GRIN2D: variants seen among roughly 807,000 people sequenced by gnomAD.
GRIN2D encodes glutamate ionotropic receptor NMDA type subunit 2D.
In GRIN2D, 37 loss-of-function variants were observed where a neutral mutation model predicts 103.2. That is an observed-to-expected ratio of 0.36 (90% CI 0.28 to 0.47). GRIN2D has a LOEUF of 0.47. GRIN2D is among the 20% of genes least tolerant of loss of function. GRIN2D has a pLI of 1.00. For missense variants in GRIN2D, 1,557 were observed against 1,910.6 expected (o/e 0.81, Z 3.45); for synonymous variants, 845 against 885.6 (o/e 0.95, Z 0.81).
intron 7 of GRIN2D, 60 bp downstream of exon 7, chr19:48,415,092 C>T: frequency 1.4e-6 from 2 of 1,449,316 alleles, no homozygotes; most frequent in Admixed American, 2.0e-5. Context: ...CGGGCACAGC[C>T]GGGCGTGGTG....
chr19:48,419,442 G>T (rs1481728187), intron 9 of GRIN2D, 83 bp downstream of exon 9: 7 of 1,508,974 alleles, frequency 4.6e-6, no homozygotes, highest in Middle Eastern at 1.8e-4. Flanking sequence ...AGCCCCTGGA[G>T]GGGGGGCGGT....
At chr19:48,439,177 C>T (rs1971264089) in intron 11 of GRIN2D, among the ~76,000 whole-genome samples, 1 of 150,002 alleles carries the variant, frequency 6.7e-6, no homozygotes, top group Non-Finnish European at 1.5e-5. Flanking sequence ...TTGCTTCAGC[C>T]CAGGAGTTTG....
intron 11 of GRIN2D, among the ~76,000 whole-genome samples, chr19:48,425,313 C>T (rs1971074525): frequency 6.6e-6 from 1 of 152,152 alleles, no homozygotes; most frequent in African/African-American, 2.4e-5. Flanking sequence ...GCAATCTCGG[C>T]TCACTGCAAC....
chr19:48,406,478 T>G, intron 4 of GRIN2D, among the ~76,000 whole-genome samples: 1 of 152,052 alleles, frequency 6.6e-6, no homozygotes, highest in East Asian at 1.9e-4. Context: ...GGGGTGAATT[T>G]GGGAAGAGAT....
At chr19:48,408,720 T>C (rs1482184502) in intron 4 of GRIN2D, among the ~76,000 whole-genome samples, 2 of 150,712 alleles carry the variant, frequency 1.3e-5, no homozygotes, top group Admixed American at 6.7e-5. Flanking sequence ...CTTGGGAGGC[T>C]GAGGCAGGAG....
At position 48,442,865 on chromosome 19, in the gene GRIN2D, C is replaced by T; in HGVS notation, c.2939C>T (p.Ala980Val). 1 of 1,083,972 alleles carries T rather than the reference C, an allele frequency of 9.2e-7. No individual in the cohort carries two copies. Among genetic ancestry groups the T allele is most frequent in the Non-Finnish European group, 1.1e-6 (1 of 895,864 alleles). The allele number at this position is 1,083,972 out of a possible 1,614,324, so 67.1% of individuals were successfully genotyped here. A position where few individuals can be genotyped will look rare whatever the true frequency, so the allele number is the denominator to read the frequency against. Residue 980 changes from alanine to valine, a missense_variant, in exon 14 of 14, where the codon GCG becomes GTG. Physicochemically the swap from Ala to Val is moderately conservative, Grantham distance 64. Transcript: ENST00000263269. The surrounding 1 kb of genome is among the most constrained non-coding windows in gnomAD (Gnocchi z 7.2). ...PQGLGLGLGEARAAPRGAAGR... is the reference protein window; with the variant it reads ...PQGLGLGLGEVRAAPRGAAGR... The stretch of plus-strand genomic sequence containing the variant: ...GGCCTAGGCCTCGGCCTGGGCGAAG[C>T]GCGCGCGGCACCGCGGGGCGCAGCC...
intron 4 of GRIN2D, among the ~76,000 whole-genome samples, chr19:48,412,420 GA>G (rs1300447554): frequency 3.8e-4 from 36 of 95,064 alleles, no homozygotes; most frequent in South Asian, 6.8e-4. Flanking sequence ...GAAAGAGAAA[GA>G]AAAGAAAGAA....
chr19:48,434,232 A>T (rs10414238), intron 11 of GRIN2D, among the ~76,000 whole-genome samples: 4 of 151,818 alleles, frequency 2.6e-5, no homozygotes, highest in Non-Finnish European at 4.4e-5. Flanking sequence ...TTACAGGCAC[A>T]AGCCACCGCG....
intron 4 of GRIN2D, among the ~76,000 whole-genome samples, chr19:48,413,040 G>A (rs745569579): frequency 3.0e-4 from 43 of 142,976 alleles, no homozygotes; most frequent in East Asian, 4.2e-4. Flanking sequence ...GGAGGCTGAG[G>A]CAGGAGAATT....
At chr19:48,430,761 A>G (rs1971146078) in intron 11 of GRIN2D, among the ~76,000 whole-genome samples, 1 of 151,584 alleles carries the variant, frequency 6.6e-6, no homozygotes, top group Admixed American at 6.6e-5. Context: ...TCAGAAGTAT[A>G]TTAATATACT....
intron 4 of GRIN2D, among the ~76,000 whole-genome samples, chr19:48,411,840 G>C (rs1179770587): frequency 6.6e-6 from 1 of 151,826 alleles, no homozygotes; most frequent in Non-Finnish European, 1.5e-5. Flanking sequence ...AGAGTTTGAA[G>C]TTTGAGGGTG....
rs1375423155 is a variant in GRIN2D at position 48,442,694 on chromosome 19, C to A, written c.2768C>A (p.Pro923Gln). 8.5e-7 allele frequency: 1 copy of A among 1,181,184 alleles called. No individual in the cohort carries two copies. Among genetic ancestry groups the A allele is most frequent in the Admixed American group, 4.7e-5 (1 of 21,302 alleles). The allele number at this position is 1,181,184 out of a possible 1,614,324, so 73.2% of individuals were successfully genotyped here. A position where few individuals can be genotyped will look rare whatever the true frequency, so the allele number is the denominator to read the frequency against. ...QPLPSPAYPA[P>Q]RPAPGPAPFV... The stretch of plus-strand genomic sequence containing the variant: ...CTGCCCAGCCCCGCGTACCCCGCGC[C>A]GCGGCCGGCTCCCGGGCCCGCACCT... Residue 923 changes from proline to glutamine, a missense_variant, in exon 14 of 14, where the codon CCG (proline) becomes CAG (glutamine). Transcript: ENST00000263269. The surrounding 1 kb of genome is among the most constrained non-coding windows in gnomAD (Gnocchi z 7.2).
chr19:48,421,266 TAAAAA>T lies in GRIN2D; in HGVS notation c.2092-518_2092-514del, dbSNP rs1971018789. ...CAACATGGAGAAACCCCATCTCTACTAAAAATACAAAACTGGCTGGGCATGGTGGT... is the reference window on the plus strand; with the variant it reads ...CAACATGGAGAAACCCCATCTCTACTTACAAAACTGGCTGGGCATGGTGGT... On this transcript the variant is annotated intron_variant, in intron 10 of 13. Coordinates refer to ENST00000263269, the MANE Select transcript of GRIN2D (RefSeq NM_000836.4). The surrounding 1 kb of genome is among the most constrained non-coding windows in gnomAD (Gnocchi z 4.8). Among the ~76,000 whole-genome samples, 1 of 151,800 alleles carries T rather than the reference TAAAAA, an allele frequency of 6.6e-6. No homozygotes were observed. The highest frequency in any genetic ancestry group is 6.6e-5 in the Admixed American group (1 of 15,220).
At chr19:48,435,479 A>G (rs991117178) in intron 11 of GRIN2D, among the ~76,000 whole-genome samples, 2 of 151,816 alleles carry the variant, frequency 1.3e-5, no homozygotes, top group Admixed American at 6.6e-5. Context: ...TAGTAGCAAC[A>G]GGGTTTCGCC....
chr19:48,404,757 G>A lies in GRIN2D; in HGVS notation c.489G>A (p.Gln163=). 1 of 1,609,354 alleles carries A rather than the reference G, an allele frequency of 6.2e-7. No individual in the cohort carries two copies. The highest frequency in any genetic ancestry group is 8.5e-7 in the Non-Finnish European group (1 of 1,176,934). ...TPKEKGSTFL[Q]LGSSTEQQLQ... ...AGGAGAAGGGCTCCACCTTCCTGCA[G>A]CTGGGCTCTTCCACCGAGCAACAGC... The change falls in exon 4 of 14, where the codon CAG becomes CAA. Residue 163 remains glutamine (Q), a synonymous_variant. Coordinates refer to ENST00000263269, the MANE Select transcript of GRIN2D (RefSeq NM_000836.4).
chr19:48,419,891 A>T, intron 10 of GRIN2D, 77 bp downstream of exon 10: 1 of 187,488 alleles, frequency 5.3e-6, no homozygotes, highest in Non-Finnish European at 8.7e-6. Flanking sequence ...GGTAGATTAG[A>T]GGGGATTCTT....
Position 48,443,268 on chromosome 19 carries a change from C to A in GRIN2D, c.3342C>A (p.Asp1114Glu). The change falls in exon 14 of 14, where the codon GAC (aspartate) becomes GAA (glutamate). Residue 1114 changes from aspartate (D) to glutamate (E), a missense_variant. This residue lies in a region of GRIN2D where 632 missense variants were observed against 572.8 expected (regional missense o/e 1.10). Coordinates refer to ENST00000263269, the MANE Select transcript of GRIN2D (RefSeq NM_000836.4). The surrounding 1 kb of genome is among the most constrained non-coding windows in gnomAD (Gnocchi z 8.9). ...PYLDLEPSPS[D>E]SEDSESLGGA... ...TCGATCTCGAGCCGTCGCCGTCGGA[C>A]TCGGAGGACTCGGAGAGCCTGGGCG... is the stretch of plus-strand genomic sequence containing the variant. The A allele has an allele frequency of 6.5e-7, 1 of 1,531,184 alleles. No homozygotes were observed. Among genetic ancestry groups the A allele is most frequent in the Non-Finnish European group, 8.7e-7 (1 of 1,148,460 alleles). 94.8% of individuals were successfully genotyped at this position (1,531,184 alleles called of 1,614,324 possible).
In GRIN2D at chr19:48,421,724, G is replaced by T; in HGVS notation, c.2092-61G>T. On this transcript the variant is annotated intron_variant, in intron 10 of 13. Transcript: ENST00000263269. This position sits in a 1 kb window ranked among gnomAD's most constrained non-coding sequence, Gnocchi z 4.8. ...AGATAGCGGGTGTGTCTCAGAATGG[G>T]TGATTTATGTTAGGGATGTCCCTGC... 1 of 1,426,550 alleles carries T rather than the reference G, an allele frequency of 7.0e-7. No individual in the cohort carries two copies. The highest frequency in any genetic ancestry group is 1.2e-5 in the South Asian group (1 of 83,820). The allele number at this position is 1,426,550 out of a possible 1,614,324, so 88.4% of individuals were successfully genotyped here. A position where few individuals can be genotyped will look rare whatever the true frequency, so the allele number is the denominator to read the frequency against.
chr19:48,443,576 G>T lies in GRIN2D; in HGVS notation c.3650G>T (p.Gly1217Val). 1 of 1,217,728 alleles carries T rather than the reference G, an allele frequency of 8.2e-7. No individual in the cohort carries two copies. The highest frequency in any genetic ancestry group is 1.0e-6 in the Non-Finnish European group (1 of 978,916). 75.4% of individuals were successfully genotyped at this position (1,217,728 alleles called of 1,614,324 possible). A position where few individuals can be genotyped will look rare whatever the true frequency, so the allele number is the denominator to read the frequency against. The change falls in exon 14 of 14, where the codon GGG becomes GTG. Residue 1217 changes from glycine to valine, a missense_variant. Physicochemically the swap from Gly to Val is moderately radical, Grantham distance 109. Transcript: ENST00000263269. This position sits in a 1 kb window ranked among gnomAD's most constrained non-coding sequence, Gnocchi z 8.9. ...WAPPPPPWAA[G>V]PLPRRRARCG... Reference sequence around the variant, plus strand: ...CCACCGCCTCCACCCTGGGCCGCCGGGCCCCTGCCCCGACGCCGGGCCCGC... The same window carrying T: ...CCACCGCCTCCACCCTGGGCCGCCGTGCCCCTGCCCCGACGCCGGGCCCGC...
Sources: allele counts gnomAD v4.1 joint callset (sites outside exome capture counted in the v4.1 genomes callset), GRCh38; gene constraint gnomAD v4.1.1; regional missense constraint gnomAD v4.1.1; non-coding constraint Gnocchi (gnomAD v3.1); transcripts MANE v1.5; gene names NCBI Gene and HGNC (gene_info 2026-07-23, HGNC 2026-07-21).